CA9: variants seen among roughly 807,000 people sequenced by gnomAD.
CA9 encodes CA-IX.
CA9 carries 43 observed loss-of-function variants against 51.8 expected under a neutral mutation model. The ratio of observed to expected loss-of-function variants is 0.83; its 90% confidence interval spans 0.65 to 1.07. The LOEUF is 1.07. CA9 is among the 50% of genes least tolerant of loss of function. CA9 has a pLI of 0.00. For synonymous variants in CA9, 253 were observed against 244.2 expected, an observed-to-expected ratio of 1.04 and a Z score of -0.34; for missense variants, 574 against 581.4, an observed-to-expected ratio of 0.99 and a Z score of 0.13.
intron 1 of CA9, 143 bp downstream of exon 1, chr9:35,674,505 T>G: frequency 1.5e-6 from 1 of 673,014 alleles, no homozygotes; most frequent in South Asian, 2.1e-5. Context: ...CATACCAATA[T>G]CCCCATCCCC....
intron 6 of CA9, among the ~76,000 whole-genome samples, chr9:35,678,335 G>C (rs1363094797): frequency 7.8e-6 from 1 of 128,088 alleles, no homozygotes; most frequent in East Asian, 2.2e-4. Context: ...AACAGAGCGA[G>C]ACTCTTGTCT....
In CA9 at chr9:35,679,984, G is replaced by C. The variant is rs771642912; in HGVS notation, c.1196G>C (p.Arg399Pro). 1 of 1,614,154 alleles carries C rather than the reference G, an allele frequency of 6.2e-7. No homozygotes were observed. Among genetic ancestry groups the C allele is most frequent in the Non-Finnish European group, 8.5e-7 (1 of 1,180,044 alleles). ...CCTGCTGGAGTGGACAGCAGTCCTC[G>C]GGCTGCTGAGCCAGGTACAGCTTTG... ...SFPAGVDSSP[R>P]AAEPVQLNSC... is the part of the protein sequence containing the mutation. The change falls in exon 8 of 11, where the codon CGG becomes CCG. Residue 399 changes from arginine to proline, a missense_variant. Transcript: ENST00000378357.
At chr9:35,680,570 G>A (rs1824525217) in intron 9 of CA9, 183 bp from the exon 10 acceptor site, 3 of 610,800 alleles carry the variant, frequency 4.9e-6, no homozygotes, top group South Asian at 4.0e-5. Context: ...CAAAAACGGT[G>A]CTTATCTTAC....
chr9:35,676,023 C>T (rs764970166), intron 3 of CA9, 41 bp from the exon 4 acceptor site: 6 of 1,608,598 alleles, frequency 3.7e-6, no homozygotes, highest in Admixed American at 3.4e-5. Flanking sequence ...TTGGGCTGGC[C>T]CTACCGGGCG....
chr9:35,680,313 T>C (rs781313469), intron 9 of CA9, among the ~76,000 whole-genome samples, 174 bp downstream of exon 9: 46 of 152,242 alleles, frequency 3.0e-4, no homozygotes, highest in Non-Finnish European at 6.0e-4. Flanking sequence ...CAGAGGCTAA[T>C]TGATTAGAAT....
chr9:35,677,588 A>C (rs1255225302), intron 5 of CA9, among the ~76,000 whole-genome samples: 1 of 151,802 alleles, frequency 6.6e-6, no homozygotes, highest in East Asian at 1.9e-4. Flanking sequence ...AATAATACAT[A>C]GGATTTTAAG....
Position 35,679,881 on chromosome 9 carries a change from G to A in CA9, c.1093G>A (p.Gly365Arg). The A allele has an allele frequency of 6.2e-7, 1 of 1,612,168 alleles. No homozygotes were observed. Among genetic ancestry groups the A allele is most frequent in the Non-Finnish European group, 8.5e-7 (1 of 1,179,250 alleles). Residue 365 changes from glycine to arginine, a missense_variant, in exon 8 of 11, where the codon GGA becomes AGA. Gly to Arg is a moderately radical substitution (Grantham distance 125, BLOSUM62 -2). Transcript: ENST00000378357. ...QLHTLSDTLW[G>R]PGDSRLQLNF... Reference sequence around the variant, plus strand: ...CCACACCCTCTCTGACACCCTGTGGGGACCTGGTGACTCTCGGCTACAGCT... The same window carrying A: ...CCACACCCTCTCTGACACCCTGTGGAGACCTGGTGACTCTCGGCTACAGCT...
chr9:35,680,781 C>T lies in CA9; in HGVS notation c.1266C>T (p.Leu422=), dbSNP rs770082130. 1 of 1,614,230 alleles carries T rather than the reference C, an allele frequency of 6.2e-7. No homozygotes were observed. The highest frequency in any genetic ancestry group is 8.5e-7 in the Non-Finnish European group (1 of 1,180,038). The change falls in exon 10 of 11, where the codon CTC becomes CTT. Residue 422 remains leucine, a synonymous_variant. Transcript: ENST00000378357. ...ACATCCTAGCCCTGGTTTTTGGCCTCCTTTTTGCTGTCACCAGCGTCGCGT... is the reference window on the plus strand; with the variant it reads ...ACATCCTAGCCCTGGTTTTTGGCCTTCTTTTTGCTGTCACCAGCGTCGCGT... ...AGDILALVFG[L]LFAVTSVAFL...
At chr9:35,679,730 G>A in intron 7 of CA9, 124 bp from the exon 8 acceptor site, 1 of 876,514 alleles carries the variant, frequency 1.1e-6, no homozygotes. Flanking sequence ...AAGAAATCAA[G>A]AGGCTGGATG....
In CA9 at chr9:35,675,813, C is replaced by T. The variant is rs1824405696; in HGVS notation, c.486C>T (p.Ser162=). Residue 162 remains serine (S), a synonymous_variant, in exon 3 of 11, where the codon TCC becomes TCT. Coordinates refer to ENST00000378357, the MANE Select transcript of CA9 (RefSeq NM_001216.3). ...CAGCCTGCGCGGGCCGCTTCCAGTC[C>T]CCGGTGGATATCCGCCCCCAGCTCG... ...VSPACAGRFQ[S]PVDIRPQLAA... 1 of 1,603,852 alleles carries T rather than the reference C, an allele frequency of 6.2e-7. No homozygotes were observed. The highest frequency in any genetic ancestry group is 8.5e-7 in the Non-Finnish European group (1 of 1,179,482).
chr9:35,678,704 T>TC (rs1039163458), intron 6 of CA9, among the ~76,000 whole-genome samples: 4 of 148,612 alleles, frequency 2.7e-5, no homozygotes, highest in African/African-American at 1.0e-4. Context: ...TCTTTTCTTT[T>TC]TTTTTTTTTT....
chr9:35,675,991 C>G, intron 3 of CA9, 60 bp downstream of exon 3: 4 of 1,602,552 alleles, frequency 2.5e-6, no homozygotes, highest in East Asian at 2.2e-5. Flanking sequence ...AGGGAACCGT[C>G]GCGGCAGTGC....
chr9:35,680,095 TCTC>T lies in CA9; in HGVS notation c.1211-15_1211-13del, dbSNP rs770082000. ...TGGTGGTCACAGCCCGCCTCTCACA[TCTC>T]CTTTTTCTCTCCAGTCCAGCTGAAT... On this transcript the variant is annotated splice_polypyrimidine_tract_variant and intron_variant, in intron 8 of 10. Transcript: ENST00000378357. 8.7e-6 allele frequency: 14 copies of T among 1,613,972 alleles called. No homozygotes were observed. In the Admixed American group the frequency reaches 1.0e-4, roughly 12 times the overall value.
At chr9:35,675,507 C>T (rs767947745) in intron 1 of CA9, 31 bp from the exon 2 acceptor site, 25 of 1,613,760 alleles carry the variant, frequency 1.5e-5, no homozygotes, top group Non-Finnish European at 2.0e-5. Flanking sequence ...GGGCTCTAAG[C>T]TTGAGCGGTT....
rs1265260146 is a variant in CA9, at chr9:35,679,354, G to A, written c.1065+12G>A. 1 of 1,609,446 alleles carries A rather than the reference G, an allele frequency of 6.2e-7. No homozygotes were observed. The highest frequency in any genetic ancestry group is 8.5e-7 in the Non-Finnish European group (1 of 1,177,884). On this transcript the variant is annotated intron_variant, in intron 7 of 10. Transcript: ENST00000378357. ...TGAGTGCTAAGCAGGTGGGCCTGGG[G>A]TGTGTGTGGACACAGTGGGTGCGGG...
At chr9:35,675,668 C>G in intron 2 of CA9, 93 bp from the exon 3 acceptor site, 1 of 1,391,282 alleles carries the variant, frequency 7.2e-7, no homozygotes, top group East Asian at 2.4e-5. Flanking sequence ...TCCCACCCGC[C>G]GCCCACCGTC....
Position 35,679,182 on chromosome 9 carries a change from C to T in CA9, c.908-3C>T, listed in dbSNP as rs1315063927. The T allele has an allele frequency of 8.7e-6, 14 of 1,614,092 alleles. No individual in the cohort carries two copies. The highest frequency in any genetic ancestry group is 1.1e-5 in the Non-Finnish European group (13 of 1,179,996). ...GAGACCCCAACATAGATCCTCTTCA[C>T]AGGCTCAGAGACTCAGGTCCCAGGA... On this transcript the variant is annotated splice_polypyrimidine_tract_variant and splice_region_variant and intron_variant, in intron 6 of 10. Coordinates refer to ENST00000378357, the MANE Select transcript of CA9 (RefSeq NM_001216.3).
At chr9:35,677,746 C>A in intron 5 of CA9, 44 bp from the exon 6 acceptor site, 1 of 1,510,706 alleles carries the variant, frequency 6.6e-7, no homozygotes, top group Non-Finnish European at 9.2e-7. Context: ...TCAGCCATGG[C>A]CCTGGATACA....
At chr9:35,677,329 G>A (rs1352740966) in intron 5 of CA9, among the ~76,000 whole-genome samples, 1 of 152,214 alleles carries the variant, frequency 6.6e-6, no homozygotes, top group Non-Finnish European at 1.5e-5. Context: ...GACCTCACCT[G>A]AAAAGCCAAA....
Sources: allele counts gnomAD v4.1 joint callset (sites outside exome capture counted in the v4.1 genomes callset), GRCh38; gene constraint gnomAD v4.1.1; transcripts MANE v1.5; gene names NCBI Gene and HGNC (gene_info 2026-07-23, HGNC 2026-07-21).